MAMSTR: variants seen among roughly 807,000 people sequenced by gnomAD.
The protein encoded by MAMSTR is MEF2-activating motif and SAP domain-containing transcriptional regulator.
In MAMSTR, 41 loss-of-function variants were observed where a neutral mutation model predicts 42.7. That is an observed-to-expected ratio of 0.96 (90% CI 0.75 to 1.25). MAMSTR has a LOEUF of 1.25. Ranked by LOEUF, MAMSTR falls within the 50% of genes most tolerant of loss-of-function variation. The pLI is 0.00. For missense variants in MAMSTR, 567 were observed against 557.6 expected, an observed-to-expected ratio of 1.02 and a Z score of -0.17; for synonymous variants, 265 against 244.1, an observed-to-expected ratio of 1.09 and a Z score of -0.80.
chr19:48,719,390 T>A lies in MAMSTR; in HGVS notation c.-22+289A>T, dbSNP rs2122385939. Among the ~76,000 whole-genome samples the A allele has an allele frequency of 6.6e-6, 1 of 151,970 alleles. No individual in the cohort carries two copies. The highest frequency in any genetic ancestry group is 1.5e-5 in the Non-Finnish European group (1 of 67,928). On this transcript the variant is annotated intron_variant, in intron 1 of 9. Coordinates refer to ENST00000318083, the MANE Select transcript of MAMSTR (RefSeq NM_001130915.2). The surrounding 1 kb of genome is among the most constrained non-coding windows in gnomAD (Gnocchi z 4.4). ...AGGGTTGCGGGTTGGGACCCCTGTG[T>A]CTAGGAAAGGGAGGAAGCAGAGGGG...
At chr19:48,714,338 G>A in intron 7 of MAMSTR, 28 bp downstream of exon 7, 1 of 1,353,890 alleles carries the variant, frequency 7.4e-7, no homozygotes, top group South Asian at 1.8e-5. Context: ...CTCTTCATTG[G>A]TCCGCAAGCT....
rs1416830176 is a variant in MAMSTR at position 48,715,615 on chromosome 19, C to T, written c.240+10G>A. 6 of 1,532,440 alleles carry T rather than the reference C, an allele frequency of 3.9e-6. No homozygotes were observed. The highest frequency in any genetic ancestry group is 4.4e-6 in the Non-Finnish European group (5 of 1,142,082). The allele number at this position is 1,532,440 out of a possible 1,614,324, so 94.9% of individuals were successfully genotyped here. A position where few individuals can be genotyped will look rare whatever the true frequency, so the allele number is the denominator to read the frequency against. Reference sequence around the variant, plus strand: ...TCTCAGAGGGACCTCTCCCTCCAGTCGAGACTCACCTTCTTTGGGGACCTC... The same window carrying T: ...TCTCAGAGGGACCTCTCCCTCCAGTTGAGACTCACCTTCTTTGGGGACCTC... On this transcript the variant is annotated intron_variant, in intron 4 of 9. Transcript: ENST00000318083.
chr19:48,715,790 T>A, intron 3 of MAMSTR, 23 bp from the exon 4 acceptor site: 1 of 1,527,516 alleles, frequency 6.5e-7, no homozygotes, highest in African/African-American at 1.4e-5. Flanking sequence ...TGAAGGACCC[T>A]GAGAGGCCTG....
downstream of MAMSTR, among the ~76,000 whole-genome samples, chr19:48,707,964 G>C (rs2032678711): frequency 6.6e-6 from 1 of 151,054 alleles, no homozygotes; most frequent in Admixed American, 6.6e-5. Context: ...GCCAGGTGTG[G>C]TGACTCACGC....
At chr19:48,714,335 T>A in intron 7 of MAMSTR, 31 bp downstream of exon 7, 1 of 1,352,536 alleles carries the variant, frequency 7.4e-7, no homozygotes, top group Non-Finnish European at 9.5e-7. Context: ...TTTCTCTTCA[T>A]TGGTCCGCAA....
intron 5 of MAMSTR, 143 bp from the exon 6 acceptor site, chr19:48,715,051 G>T: frequency 1.5e-6 from 1 of 689,170 alleles, no homozygotes. Flanking sequence ...GCAAACATGG[G>T]GCTAGATTTC....
At chr19:48,715,015 GTC>G in intron 5 of MAMSTR, 107 bp from the exon 6 acceptor site, 1 of 790,810 alleles carries the variant, frequency 1.3e-6, no homozygotes, top group Non-Finnish European at 2.0e-6. Context: ...AAAAGTGAGG[GTC>G]CAGAATTCTG....
Position 48,719,559 on chromosome 19 carries a change from A to G in MAMSTR, c.-22+120T>C, listed in dbSNP as rs995580439. Reference sequence around the variant, plus strand: ...GAATAGAAGGGCCCCTGTGACCTGCATCTGAGAAGGAGTGAGTAGGGTGTC... The same window carrying G: ...GAATAGAAGGGCCCCTGTGACCTGCGTCTGAGAAGGAGTGAGTAGGGTGTC... On this transcript the variant is annotated intron_variant, in intron 1 of 9. Coordinates refer to ENST00000318083, the MANE Select transcript of MAMSTR (RefSeq NM_001130915.2). The surrounding 1 kb of genome is among the most constrained non-coding windows in gnomAD (Gnocchi z 4.4). The G allele has an allele frequency of 6.4e-6, 1 of 157,096 alleles. No individual in the cohort carries two copies. The highest frequency in any genetic ancestry group is 2.4e-5 in the African/African-American group (1 of 41,466). The allele number at this position is 157,096 out of a possible 1,614,324, so 9.7% of individuals were successfully genotyped here.
chr19:48,711,912 A>AT (rs553017285), downstream of MAMSTR, among the ~76,000 whole-genome samples: 1,305 of 128,314 alleles, frequency 0.01, 7 homozygotes, highest in African/African-American at 0.033. Context: ...TGCCCAGCTA[A>AT]TTTTTTTGTA....
rs1487987767 is a variant in MAMSTR at position 48,719,224 on chromosome 19, C to T, written c.-21-172G>A. On this transcript the variant is annotated intron_variant, in intron 1 of 9. Transcript: ENST00000318083. The surrounding 1 kb of genome is among the most constrained non-coding windows in gnomAD (Gnocchi z 4.4). ...CCAGGGGCTGTAGAGGAGGGGGCTGCACACCCGGACACCTTGCTCCGAGGA... is the reference window on the plus strand; with the variant it reads ...CCAGGGGCTGTAGAGGAGGGGGCTGTACACCCGGACACCTTGCTCCGAGGA... Among the ~76,000 whole-genome samples, 1 of 152,120 alleles carries T rather than the reference C, an allele frequency of 6.6e-6. No individual in the cohort carries two copies. Among genetic ancestry groups the T allele is most frequent in the Non-Finnish European group, 1.5e-5 (1 of 68,020 alleles).
At chr19:48,718,209 C>G (rs146946242) in intron 2 of MAMSTR, among the ~76,000 whole-genome samples, 8 of 152,220 alleles carry the variant, frequency 5.3e-5, no homozygotes, top group Non-Finnish European at 1.2e-4. Context: ...GCAAGGATCT[C>G]TCTGCACATT....
intron 6 of MAMSTR, 22 bp from the exon 7 acceptor site, chr19:48,714,582 G>A (rs1337172062): frequency 2.1e-6 from 3 of 1,462,974 alleles, no homozygotes; most frequent in Non-Finnish European, 2.7e-6. Flanking sequence ...CGGGGCGTGG[G>A]AAGAGGCAGT....
intron 4 of MAMSTR, 34 bp from the exon 5 acceptor site, chr19:48,715,480 C>T: frequency 2.0e-6 from 3 of 1,468,988 alleles, no homozygotes; most frequent in Non-Finnish European, 2.7e-6. Flanking sequence ...TAGGCTTCAG[C>T]GCGGCTCCCA....
intron 3 of MAMSTR, among the ~76,000 whole-genome samples, chr19:48,716,413 C>T (rs1382223316): frequency 6.8e-6 from 1 of 147,376 alleles, no homozygotes; most frequent in Non-Finnish European, 1.5e-5. Flanking sequence ...TCCAGAGCTT[C>T]TCATGTATAC....
Position 48,714,522 on chromosome 19 carries a change from G to A in MAMSTR, c.567C>T (p.Leu189=), listed in dbSNP as rs769758407. 1 of 1,455,960 alleles carries A rather than the reference G, an allele frequency of 6.9e-7. No homozygotes were observed. Among genetic ancestry groups the A allele is most frequent in the Admixed American group, 2.8e-5 (1 of 35,790 alleles). The allele number at this position is 1,455,960 out of a possible 1,614,324, so 90.2% of individuals were successfully genotyped here. ...ELRQQLRLRG[L]PVSGTKSMLL... ...GCATAGACTTGGTCCCCGACACTGG[G>A]AGGCCCCGCAGGCGCAGCTGCTGCC... is the stretch of plus-strand genomic sequence containing the variant. The change falls in exon 7 of 10, where the codon CTC becomes CTT. Residue 189 remains leucine, a synonymous_variant. Transcript: ENST00000318083.
chr19:48,710,274 A>AT (rs55986068), downstream of MAMSTR, among the ~76,000 whole-genome samples: 3,160 of 143,096 alleles, frequency 0.022, 91 homozygotes, highest in African/African-American at 0.065. Flanking sequence ...CTGGCTAATT[A>AT]TTTTTTTTTT....
chr19:48,714,654 G>C, intron 6 of MAMSTR, 94 bp from the exon 7 acceptor site: 1 of 1,312,558 alleles, frequency 7.6e-7, no homozygotes, highest in Non-Finnish European at 1.1e-6. Context: ...CGAGAAAGGA[G>C]GCACTGGGGG....
chr19:48,713,231 C>G lies in MAMSTR; in HGVS notation c.*36G>C, dbSNP rs2032788550. 3 of 1,538,768 alleles carry G rather than the reference C, an allele frequency of 1.9e-6. No homozygotes were observed. Among genetic ancestry groups the G allele is most frequent in the Non-Finnish European group, 2.6e-6 (3 of 1,145,284 alleles). ...TCCCACAAGGAGCTTCTCTCCACCCCCATCAGTTCTCTGTCTCTGTAAATC... is the reference window on the plus strand; with the variant it reads ...TCCCACAAGGAGCTTCTCTCCACCCGCATCAGTTCTCTGTCTCTGTAAATC... On this transcript the variant is annotated 3_prime_UTR_variant, in exon 10 of 10. Transcript: ENST00000318083.
intron 2 of MAMSTR, chr19:48,716,995 GC>G: frequency 8.8e-7 from 1 of 1,142,788 alleles, no homozygotes; most frequent in Non-Finnish European, 1.1e-6. Context: ...GCTGGAGGCA[GC>G]CCTGCCCCCG....
Sources: gnomAD v4.1 joint callset for allele counts (sites outside exome capture counted in the v4.1 genomes callset) on GRCh38, gnomAD v4.1.1 for gene constraint, Gnocchi (gnomAD v3.1) non-coding constraint, MANE v1.5 for transcripts, NCBI Gene and HGNC (gene_info 2026-07-23, HGNC 2026-07-21) for gene names.